The following ARHGAP24 variants were observed in gnomAD, a reference collection of about 807,000 sequenced individuals.
ARHGAP24 encodes Rho GTPase activating protein 24.
ARHGAP24 carries 50 observed loss-of-function variants against 76.4 expected under a neutral mutation model. That is an observed-to-expected ratio of 0.65 (90% confidence interval 0.52 to 0.83). ARHGAP24 has a LOEUF of 0.83. Ranked by LOEUF, ARHGAP24 falls within the 40% of genes least tolerant of loss-of-function variation. The probability of loss-of-function intolerance (pLI) is 0.00; values close to 1 mark genes in which losing one functional copy is unlikely to be tolerated. For missense variants in ARHGAP24, 930 were observed against 914.2 expected (o/e 1.02, Z -0.22); for synonymous variants, 345 against 323.3 (o/e 1.07, Z -0.72).
intron 1 of ARHGAP24, among the ~76,000 whole-genome samples, chr4:85,570,270 C>T (rs1727067291): frequency 6.6e-6 from 1 of 152,072 alleles, no homozygotes; most frequent in African/African-American, 2.4e-5. Flanking sequence ...CCACTCCCTT[C>T]CCCTTCCCCT....
At chr4:85,861,875 A>G (rs1731922394) in intron 3 of ARHGAP24, among the ~76,000 whole-genome samples, 1 of 151,990 alleles carries the variant, frequency 6.6e-6, no homozygotes, top group Non-Finnish European at 1.5e-5. Flanking sequence ...TACTTCTTAC[A>G]CACAACACCT....
chr4:85,645,983 A>C (rs1294217818), intron 2 of ARHGAP24, among the ~76,000 whole-genome samples: 2 of 152,012 alleles, frequency 1.3e-5, no homozygotes, highest in East Asian at 3.9e-4. Flanking sequence ...ACTTCCATTT[A>C]GGTTATACAA....
Position 85,478,944 on chromosome 4 carries a change from T to C in ARHGAP24, c.-21+3385T>C, listed in dbSNP as rs1243306238. On this transcript the variant is annotated intron_variant, in intron 1 of 9. Coordinates refer to ENST00000395184, the MANE Select transcript of ARHGAP24 (RefSeq NM_001025616.3). The stretch of plus-strand genomic sequence containing the variant: ...CCCCTGTCCTCTCTCACAACTACTG[T>C]GAGTTCCTCACTGGGTAGATTGGTG... 3.3e-5 allele frequency among the ~76,000 whole-genome samples: 5 copies of C among 152,372 alleles called. No individual in the cohort carries two copies. In the South Asian group the frequency reaches 1.0e-3, roughly 32 times the overall value.
At chr4:85,527,958 A>G (rs1034596494) in intron 1 of ARHGAP24, among the ~76,000 whole-genome samples, 2 of 152,108 alleles carry the variant, frequency 1.3e-5, no homozygotes, top group African/African-American at 2.4e-5. Flanking sequence ...TGTGTCAGGA[A>G]CATAAGTGAA....
At chr4:85,854,200 A>G (rs1353534658) in intron 3 of ARHGAP24, among the ~76,000 whole-genome samples, 1 of 151,946 alleles carries the variant, frequency 6.6e-6, no homozygotes, top group African/African-American at 2.4e-5. Context: ...CAGAAATTCT[A>G]TTCAAATAAA....
intron 3 of ARHGAP24, among the ~76,000 whole-genome samples, chr4:85,902,196 G>T (rs1734533232): frequency 7.3e-6 from 1 of 136,744 alleles, no homozygotes; most frequent in South Asian, 2.6e-4. Context: ...ACTTTAAATG[G>T]TATTTGGGTG....
intron 2 of ARHGAP24, among the ~76,000 whole-genome samples, chr4:85,670,011 G>A (rs1431269711): frequency 6.6e-6 from 1 of 151,968 alleles, no homozygotes; most frequent in Non-Finnish European, 1.5e-5. Context: ...GGAGGAGAGA[G>A]GGGTGTGAGC....
chr4:85,620,250 T>G (rs1211094890), intron 2 of ARHGAP24, among the ~76,000 whole-genome samples: 1 of 152,006 alleles, frequency 6.6e-6, no homozygotes, highest in South Asian at 2.1e-4. Context: ...CTTTAAACAT[T>G]TGGTAGAATT....
At chr4:85,600,381 A>G (rs1425507619) in intron 2 of ARHGAP24, among the ~76,000 whole-genome samples, 2 of 152,200 alleles carry the variant, frequency 1.3e-5, no homozygotes, top group African/African-American at 4.8e-5. Flanking sequence ...ATTTATGTTT[A>G]AATAATTCAC....
chr4:85,684,245 TC>T (rs1199485478), intron 2 of ARHGAP24, among the ~76,000 whole-genome samples: 1 of 152,244 alleles, frequency 6.6e-6, no homozygotes, highest in East Asian at 1.9e-4. Flanking sequence ...TTTCTGCACA[TC>T]TTTGTCAACA....
intron 2 of ARHGAP24, among the ~76,000 whole-genome samples, chr4:85,633,696 A>T (rs1357158530): frequency 3.3e-5 from 5 of 151,868 alleles, no homozygotes; most frequent in Non-Finnish European, 5.9e-5. Context: ...TTAAGACTTT[A>T]GCTTTCATTC....
At chr4:85,782,860 A>C (rs1441992643) in intron 3 of ARHGAP24, among the ~76,000 whole-genome samples, 1 of 151,842 alleles carries the variant, frequency 6.6e-6, no homozygotes, top group African/African-American at 2.4e-5. Flanking sequence ...ATACATCTTA[A>C]TCATGAAATA....
At chr4:85,869,560 C>A (rs900294515) in intron 3 of ARHGAP24, among the ~76,000 whole-genome samples, 1 of 152,118 alleles carries the variant, frequency 6.6e-6, no homozygotes, top group African/African-American at 2.4e-5. Flanking sequence ...TTAAGCTGGA[C>A]AATTCACTGA....
At chr4:85,475,654 AGGGGGCTG>A (rs1722554264) in intron 1 of ARHGAP24, 95 bp downstream of exon 1, 2 of 32,852 alleles carry the variant, frequency 6.1e-5, no homozygotes, top group Non-Finnish European at 1.4e-4. Context: ...GGGGGCGGGG[AGGGGGCTG>A]CGGGGGGCGG....
chr4:85,541,064 T>TCACTGA (rs1439084172), intron 1 of ARHGAP24, among the ~76,000 whole-genome samples: 1 of 142,078 alleles, frequency 7.0e-6, no homozygotes, highest in Non-Finnish European at 1.5e-5. Context: ...TGTGATACTT[T>TCACTGA]CACTGATCCT....
intron 1 of ARHGAP24, among the ~76,000 whole-genome samples, chr4:85,554,946 T>C (rs4466034): frequency 0.82 from 125,296 of 151,948 alleles, 54,056 homozygotes; most frequent in East Asian, 0.98. Flanking sequence ...TCCCAAAGTG[T>C]TGGGATTACA....
intron 5 of ARHGAP24, among the ~76,000 whole-genome samples, chr4:85,955,235 C>A (rs1018710987): frequency 6.6e-5 from 10 of 151,846 alleles, no homozygotes; most frequent in African/African-American, 1.7e-4. Flanking sequence ...GCCTACCCCC[C>A]ACCCCGACCC....
chr4:85,620,065 G>C (rs1720666137), intron 2 of ARHGAP24, among the ~76,000 whole-genome samples: 1 of 151,818 alleles, frequency 6.6e-6, no homozygotes, highest in Admixed American at 6.6e-5. Flanking sequence ...TCACTTAATA[G>C]TACTTTGTTG....
intron 2 of ARHGAP24, among the ~76,000 whole-genome samples, chr4:85,594,458 C>G (rs1327005818): frequency 6.6e-6 from 1 of 152,046 alleles, no homozygotes; most frequent in Non-Finnish European, 1.5e-5. Flanking sequence ...CTTGTCTGAT[C>G]GCTGTAACTA....
Sources: allele counts gnomAD v4.1 joint callset (sites outside exome capture counted in the v4.1 genomes callset), GRCh38; gene constraint gnomAD v4.1.1; transcripts MANE v1.5; gene names NCBI Gene and HGNC (gene_info 2026-07-23, HGNC 2026-07-21).